ZC3H3: variants seen among roughly 807,000 people sequenced by gnomAD.
ZC3H3 encodes the protein zinc finger CCCH-type containing 3.
ZC3H3 carries 36 observed loss-of-function variants against 77.3 expected under a neutral mutation model. The observed-to-expected ratio is 0.47, with a 90% CI of 0.36 to 0.61. The LOEUF (loss-of-function observed/expected upper bound fraction) is 0.61, where lower values mean the gene tolerates loss of function less well. Among genes scored for constraint, ZC3H3 ranks in the 20% least tolerant of loss-of-function variants. The pLI, the probability that ZC3H3 is intolerant of heterozygous loss-of-function variation, is 0.00. For missense variants in ZC3H3, 1,331 were observed against 1,312.2 expected (o/e 1.01, Z -0.22); for synonymous variants, 626 against 555.2 (o/e 1.13, Z -1.79).
At chr8:143,518,379 C>T (rs1398859619) in intron 3 of ZC3H3, among the ~76,000 whole-genome samples, 5 of 152,248 alleles carry the variant, frequency 3.3e-5, no homozygotes, top group Non-Finnish European at 5.9e-5. Context: ...CCATGTGGCA[C>T]GGCCTTCTCT....
intron 4 of ZC3H3, among the ~76,000 whole-genome samples, chr8:143,477,072 G>A (rs1563849618): frequency 6.6e-6 from 1 of 152,120 alleles, no homozygotes; most frequent in African/African-American, 2.4e-5. Context: ...CCTTCTGTCG[G>A]GTTCCACCGC....
chr8:143,473,217 G>A (rs1188322275), intron 5 of ZC3H3, among the ~76,000 whole-genome samples: 3 of 152,026 alleles, frequency 2.0e-5, no homozygotes, highest in Non-Finnish European at 4.4e-5. Flanking sequence ...TCCTCCCCCT[G>A]CTGGCTGTGC....
At chr8:143,518,785 C>T (rs1366765020) in intron 3 of ZC3H3, among the ~76,000 whole-genome samples, 1 of 152,260 alleles carries the variant, frequency 6.6e-6, no homozygotes, top group African/African-American at 2.4e-5. Context: ...CACATACAAA[C>T]GTGCAACTGG....
At chr8:143,503,138 C>T (rs1013371160) in intron 4 of ZC3H3, among the ~76,000 whole-genome samples, 3 of 152,198 alleles carry the variant, frequency 2.0e-5, no homozygotes, top group Admixed American at 6.5e-5. Context: ...AGCATGCCCC[C>T]GTCAGCTGTT....
At chr8:143,485,122 T>C (rs1586913010) in intron 4 of ZC3H3, among the ~76,000 whole-genome samples, 1 of 151,766 alleles carries the variant, frequency 6.6e-6, no homozygotes, top group African/African-American at 2.4e-5. Context: ...TGAGGAAAAA[T>C]TCTACAGCAG....
chr8:143,512,872 G>T (rs12543128), intron 3 of ZC3H3, among the ~76,000 whole-genome samples: 4 of 152,152 alleles, frequency 2.6e-5, no homozygotes, highest in East Asian at 3.9e-4. Context: ...GCTCAGTGGC[G>T]CGGGGAGGTA....
chr8:143,537,294 C>T (rs1381335574), intron 2 of ZC3H3, among the ~76,000 whole-genome samples: 1 of 152,206 alleles, frequency 6.6e-6, no homozygotes, highest in Non-Finnish European at 1.5e-5. Flanking sequence ...GGACCTAACA[C>T]CAATCTGCTC....
intron 5 of ZC3H3, among the ~76,000 whole-genome samples, chr8:143,473,282 G>A (rs1820629168): frequency 6.6e-6 from 1 of 152,100 alleles, no homozygotes; most frequent in Non-Finnish European, 1.5e-5. Flanking sequence ...GCCTCTGCAT[G>A]GCGGCCTCAG....
intron 4 of ZC3H3, among the ~76,000 whole-genome samples, chr8:143,497,202 G>A (rs1821376152): frequency 6.6e-6 from 1 of 152,170 alleles, no homozygotes; most frequent in African/African-American, 2.4e-5. Flanking sequence ...GTTAGGAGAG[G>A]AAAGAGGAGA....
chr8:143,446,989 T>C (rs901577057), intron 9 of ZC3H3, among the ~76,000 whole-genome samples: 7 of 152,226 alleles, frequency 4.6e-5, no homozygotes, highest in Non-Finnish European at 7.3e-5. Context: ...GCATGGTCCA[T>C]AGGGAGACTC....
intron 3 of ZC3H3, among the ~76,000 whole-genome samples, chr8:143,528,720 C>A (rs1005512097): frequency 6.6e-6 from 1 of 152,208 alleles, no homozygotes; most frequent in Non-Finnish European, 1.5e-5. Flanking sequence ...GCCAGGCCCT[C>A]ACCCCTCGGT....
intron 3 of ZC3H3, among the ~76,000 whole-genome samples, chr8:143,520,076 G>C (rs560090760): frequency 6.6e-4 from 101 of 152,352 alleles, no homozygotes; most frequent in African/African-American, 2.4e-3. Context: ...CTTCTTCGGG[G>C]CTCAAGGAGG....
chr8:143,465,579 G>T, intron 9 of ZC3H3, 138 bp downstream of exon 9: 1 of 1,332,208 alleles, frequency 7.5e-7, no homozygotes, highest in Non-Finnish European at 1.0e-6. Context: ...TGAGTCACCT[G>T]TGAGGTGGAC....
At position 143,538,534 on chromosome 8, in the gene ZC3H3, G is replaced by A. The variant is rs1822886217; in HGVS notation, c.833C>T (p.Ser278Leu). Reference sequence around the variant, plus strand: ...GGCCGGTCTGGCGGGGCCCCCCACTGAGCCAGACGGAACTGGCTGATCTGT... The same window carrying A: ...GGCCGGTCTGGCGGGGCCCCCCACTAAGCCAGACGGAACTGGCTGATCTGT... ...GHTDQPVPSG[S>L]VGGPARPASG... Residue 278 changes from serine (S) to leucine (L), a missense_variant, in exon 2 of 12, where the codon TCA becomes TTA. By Grantham distance (145) the Ser-to-Leu change is moderately radical. Coordinates refer to ENST00000262577, the MANE Select transcript of ZC3H3 (RefSeq NM_015117.3). The A allele has an allele frequency of 1.9e-6, 3 of 1,612,048 alleles. No individual in the cohort carries two copies. The highest frequency in any genetic ancestry group is 4.5e-5 in the East Asian group (2 of 44,888).
At chr8:143,474,225 C>A (rs1820660615) in intron 5 of ZC3H3, among the ~76,000 whole-genome samples, 1 of 150,904 alleles carries the variant, frequency 6.6e-6, no homozygotes, top group Non-Finnish European at 1.5e-5. Context: ...CAGGAAGGGA[C>A]CCAGGGCTTC....
chr8:143,475,265 C>G, intron 5 of ZC3H3, 133 bp downstream of exon 5: 1 of 1,151,574 alleles, frequency 8.7e-7, no homozygotes. Flanking sequence ...CTGACCTCCT[C>G]CCCAAGACAG....
intron 3 of ZC3H3, among the ~76,000 whole-genome samples, chr8:143,535,325 A>G (rs1822759102): frequency 6.6e-6 from 1 of 152,136 alleles, no homozygotes; most frequent in Admixed American, 6.5e-5. Flanking sequence ...AGCCATGAGC[A>G]ACCGCGCCCA....
Position 143,440,207 on chromosome 8 carries a change from G to A in ZC3H3, c.2649C>T (p.Pro883=), listed in dbSNP as rs375853496. ...ATGGTGCCTCGTGGTCCAAGGAAGC[G>A]GGAGGGGATGAGGAGGAGGAGGAGG... is the stretch of plus-strand genomic sequence containing the variant. ...SSSSSSSSSP[P]ASLDHEAPSL... is the part of the protein sequence containing the mutation. The change falls in exon 11 of 12, where the codon CCC becomes CCT. Residue 883 remains proline, a synonymous_variant. Transcript: ENST00000262577. 84 of 1,610,024 alleles carry A rather than the reference G, an allele frequency of 5.2e-5. 1 individual carries two copies. In the South Asian group the frequency reaches 6.5e-4, roughly 13 times the overall value.
At position 143,450,432 on chromosome 8, in the gene ZC3H3, C is replaced by T. The variant is rs560588411; in HGVS notation, c.2308-9312G>A. 2.1e-4 allele frequency among the ~76,000 whole-genome samples: 32 copies of T among 152,336 alleles called. 1 individual carries two copies. In the South Asian group the frequency reaches 6.2e-3, roughly 30 times the overall value. On this transcript the variant is annotated intron_variant, in intron 9 of 11. Transcript: ENST00000262577. ...CTGGCCTCAAGTGATCCACCCACCT[C>T]GGCCTTCCAAAGTGCTAGGATTACA...
Sources: gnomAD v4.1 joint callset for allele counts (sites outside exome capture counted in the v4.1 genomes callset) on GRCh38, gnomAD v4.1.1 for gene constraint, MANE v1.5 for transcripts, NCBI Gene and HGNC (gene_info 2026-07-23, HGNC 2026-07-21) for gene names.